ALK: variants seen among roughly 807,000 people sequenced by gnomAD.
ALK encodes the protein ALK tyrosine kinase receptor.
In ALK, 74 loss-of-function variants were observed where a neutral mutation model predicts 163.1. The observed-to-expected ratio is 0.45, with a 90% CI of 0.38 to 0.55. The LOEUF (loss-of-function observed/expected upper bound fraction) is 0.55, where lower values mean the gene tolerates loss of function less well. Ranked by LOEUF, ALK falls within the 20% of genes least tolerant of loss-of-function variation. The pLI is 0.00. For synonymous variants in ALK, 960 were observed against 843.2 expected (o/e 1.14, Z -2.40); for missense variants, 2,063 against 2,105.3 (o/e 0.98, Z 0.39).
At chr2:29,374,417 T>C (rs374003132) in intron 5 of ALK, among the ~76,000 whole-genome samples, 1 of 151,748 alleles carries the variant, frequency 6.6e-6, no homozygotes, top group Non-Finnish European at 1.5e-5. Flanking sequence ...CAAACCTTTA[T>C]TGAGTGCTTG....
intron 4 of ALK, among the ~76,000 whole-genome samples, chr2:29,403,656 A>T (rs1254929354): frequency 6.0e-5 from 8 of 134,046 alleles, no homozygotes; most frequent in African/African-American, 2.9e-5. Flanking sequence ...CAGGAGGATC[A>T]TTTGAACCCA....
chr2:29,387,607 A>G (rs1669062376), intron 4 of ALK, among the ~76,000 whole-genome samples: 1 of 152,182 alleles, frequency 6.6e-6, no homozygotes, highest in South Asian at 2.1e-4. Context: ...ATTGAATTAA[A>G]AGTTCCCTAA....
At chr2:29,778,508 G>A (rs531151782) in intron 1 of ALK, among the ~76,000 whole-genome samples, 17 of 152,318 alleles carry the variant, frequency 1.1e-4, no homozygotes, top group South Asian at 4.1e-4. Context: ...GCCATCATGC[G>A]TGGGTGCAGG....
chr2:29,623,287 A>G (rs1201639855), intron 3 of ALK, among the ~76,000 whole-genome samples: 2 of 152,232 alleles, frequency 1.3e-5, no homozygotes, highest in Non-Finnish European at 2.9e-5. Context: ...TTAAAATAGA[A>G]ATGCCTAGAA....
chr2:29,445,176 C>G (rs1198522224), intron 4 of ALK, among the ~76,000 whole-genome samples: 1 of 152,054 alleles, frequency 6.6e-6, no homozygotes, highest in African/African-American at 2.4e-5. Flanking sequence ...TATAGCTTAG[C>G]AAATATGGAA....
At chr2:29,725,143 C>T (rs989141807) in intron 1 of ALK, among the ~76,000 whole-genome samples, 8 of 69,334 alleles carry the variant, frequency 1.2e-4, no homozygotes, top group African/African-American at 5.3e-4. Context: ...TACCTTCAGG[C>T]TATCCTATAC....
intron 8 of ALK, among the ~76,000 whole-genome samples, chr2:29,315,211 A>C (rs1229550741): frequency 6.6e-6 from 1 of 151,506 alleles, no homozygotes. Flanking sequence ...AACTGTGCAG[A>C]GAGATAGGAG....
intron 1 of ALK, among the ~76,000 whole-genome samples, chr2:29,790,588 C>A (rs1298116861): frequency 6.6e-6 from 1 of 152,122 alleles, no homozygotes; most frequent in African/African-American, 2.4e-5. Flanking sequence ...CACACACACA[C>A]AAAATCTTTC....
intron 2 of ALK, among the ~76,000 whole-genome samples, chr2:29,696,827 C>T (rs1678580562): frequency 1.3e-5 from 2 of 151,988 alleles, no homozygotes; most frequent in South Asian, 4.2e-4. Flanking sequence ...CTGTAACATT[C>T]CCCAGCTTCC....
At chr2:29,518,999 A>G (rs1157238707) in intron 4 of ALK, among the ~76,000 whole-genome samples, 1 of 152,268 alleles carries the variant, frequency 6.6e-6, no homozygotes, top group Non-Finnish European at 1.5e-5. Flanking sequence ...CTCTATACAC[A>G]TTGGCTATCG....
At chr2:29,506,752 AAAAC>A in intron 4 of ALK, among the ~76,000 whole-genome samples, 1 of 100,034 alleles carries the variant, frequency 1.0e-5, no homozygotes, top group African/African-American at 3.0e-5. Flanking sequence ...TCTCAAAAAC[AAAAC>A]AAAAAAAAAA....
At chr2:29,721,042 C>T (rs1679407431) in intron 1 of ALK, among the ~76,000 whole-genome samples, 1 of 152,132 alleles carries the variant, frequency 6.6e-6, no homozygotes, top group African/African-American at 2.4e-5. Context: ...GTGAGGCAGA[C>T]AAGTGAAGGC....
At chr2:29,335,913 A>G (rs1278394174) in intron 5 of ALK, among the ~76,000 whole-genome samples, 1 of 151,994 alleles carries the variant, frequency 6.6e-6, no homozygotes, top group Non-Finnish European at 1.5e-5. Context: ...GGTCATGGAC[A>G]CCTGTAATCA....
chr2:29,219,734 T>G lies in ALK; in HGVS notation c.3645+972A>C, dbSNP rs113249038. ...GAGATGTTCTAGTCCAATCCTCAGA[T>G]CTCACCTGTGAGGATACCCAGGTTA... On this transcript the variant is annotated intron_variant, in intron 23 of 28. Transcript: ENST00000389048. Among the ~76,000 whole-genome samples, 588 of 152,272 alleles carry G rather than the reference T, an allele frequency of 3.9e-3. 1 individual carries two copies. The highest frequency in any genetic ancestry group is 0.013 in the African/African-American group (539 of 41,542).
chr2:29,695,172 G>A (rs991649980), intron 2 of ALK, among the ~76,000 whole-genome samples, 158 bp from the exon 3 acceptor site: 32 of 152,212 alleles, frequency 2.1e-4, no homozygotes, highest in Non-Finnish European at 8.8e-5. Context: ...CTGTATTGGT[G>A]AAAAGGGACC....
intron 4 of ALK, among the ~76,000 whole-genome samples, chr2:29,475,257 C>T (rs1003199731): frequency 1.1e-4 from 16 of 152,124 alleles, no homozygotes; most frequent in Non-Finnish European, 2.2e-4. Flanking sequence ...TGGAAGACCT[C>T]AGGCCTCAGG....
intron 1 of ALK, among the ~76,000 whole-genome samples, chr2:29,915,859 C>G (rs774952285): frequency 1.3e-5 from 2 of 152,108 alleles, no homozygotes; most frequent in Non-Finnish European, 2.9e-5. Context: ...ACAGATCGCA[C>G]CCCAGAGAAA....
At chr2:29,726,943 C>T (rs1227943523) in intron 1 of ALK, among the ~76,000 whole-genome samples, 2 of 152,164 alleles carry the variant, frequency 1.3e-5, no homozygotes, top group Non-Finnish European at 2.9e-5. Context: ...GCTAGGAATG[C>T]CACTCTACAG....
chr2:29,808,273 T>C (rs1448202588), intron 1 of ALK, among the ~76,000 whole-genome samples: 1 of 152,154 alleles, frequency 6.6e-6, no homozygotes. Context: ...AGGAAATGAC[T>C]TGCCCATAGT....
Sources: gnomAD v4.1 joint callset for allele counts (sites outside exome capture counted in the v4.1 genomes callset) on GRCh38, gnomAD v4.1.1 for gene constraint, MANE v1.5 for transcripts, NCBI Gene and HGNC (gene_info 2026-07-23, HGNC 2026-07-21) for gene names.